Variants in KHDRBS1 observed in about 807,000 individuals in gnomAD.
KHDRBS1 encodes KH domain-containing, RNA-binding, signal transduction-associated protein 1.
A neutral mutation model predicts 48.4 loss-of-function variants in KHDRBS1; 7 were observed. The observed-to-expected ratio is 0.14, with a 90% confidence interval of 0.08 to 0.27. The LOEUF is 0.27. Among genes scored for constraint, KHDRBS1 ranks in the 10% least tolerant of loss-of-function variants. The probability of loss-of-function intolerance (pLI) is 1.00; values close to 1 mark genes in which losing one functional copy is unlikely to be tolerated. For synonymous variants in KHDRBS1, 241 were observed against 235.8 expected, an observed-to-expected ratio of 1.02 and a Z score of -0.20; for missense variants, 458 against 601.2, an observed-to-expected ratio of 0.76 and a Z score of 2.49.
chr1:32,037,788 G>T, intron 5 of KHDRBS1, 47 bp from the exon 6 acceptor site: 1 of 1,588,896 alleles, frequency 6.3e-7, no homozygotes, highest in Non-Finnish European at 8.6e-7. Flanking sequence ...ACATAAAAGT[G>T]GCCTGTTTAT....
downstream of KHDRBS1, among the ~76,000 whole-genome samples, chr1:32,048,081 C>T (rs532019848): frequency 3.1e-4 from 47 of 152,290 alleles, no homozygotes; most frequent in African/African-American, 1.1e-3. Flanking sequence ...AGAGATGGCT[C>T]TAAGTATTTT....
At chr1:32,030,270 G>T in intron 1 of KHDRBS1, 28 bp from the exon 2 acceptor site, 1 of 1,590,502 alleles carries the variant, frequency 6.3e-7, no homozygotes, top group Non-Finnish European at 8.6e-7. Context: ...ATTTACCAGG[G>T]CAAAAATAAA....
chr1:32,034,780 A>C (rs1639144629), intron 4 of KHDRBS1, among the ~76,000 whole-genome samples: 1 of 151,790 alleles, frequency 6.6e-6, no homozygotes, highest in East Asian at 2.0e-4. Context: ...GATCAAGGCC[A>C]TCCTGGCTAA....
At chr1:32,022,404 ATTG>A (rs968774737) in intron 1 of KHDRBS1, among the ~76,000 whole-genome samples, 1 of 152,202 alleles carries the variant, frequency 6.6e-6, no homozygotes, top group Non-Finnish European at 1.5e-5. Flanking sequence ...GAGTCCAGAG[ATTG>A]TTAACAACAG....
intron 1 of KHDRBS1, among the ~76,000 whole-genome samples, chr1:32,023,408 A>G (rs537804337): frequency 6.6e-6 from 1 of 152,348 alleles, no homozygotes; most frequent in East Asian, 1.9e-4. Flanking sequence ...AAATGAAGAT[A>G]ATACTGGTTA....
intron 5 of KHDRBS1, 55 bp from the exon 6 acceptor site, chr1:32,037,780 A>G (rs1466301275): frequency 5.7e-6 from 9 of 1,580,620 alleles, no homozygotes; most frequent in African/African-American, 1.3e-5. Flanking sequence ...AAATCAGAAC[A>G]TAAAAGTGGC....
chr1:32,049,072 T>G (rs1639387738), intron 10 of KHDRBS1, among the ~76,000 whole-genome samples: 1 of 151,732 alleles, frequency 6.6e-6, no homozygotes, highest in Non-Finnish European at 1.5e-5. Context: ...GGTTTTTTTT[T>G]GAGACGGGGT....
intron 1 of KHDRBS1, among the ~76,000 whole-genome samples, chr1:32,022,123 A>G (rs1463736548): frequency 6.6e-6 from 1 of 151,962 alleles, no homozygotes; most frequent in East Asian, 1.9e-4. Flanking sequence ...GCGCGCCACC[A>G]CGCCCAACCA....
intron 5 of KHDRBS1, 61 bp downstream of exon 5, chr1:32,037,104 T>C (rs2124384060): frequency 1.3e-6 from 2 of 1,558,750 alleles, no homozygotes; most frequent in South Asian, 2.3e-5. Flanking sequence ...GTCATCTCTT[T>C]TAGTGGTGCT....
intron 1 of KHDRBS1, among the ~76,000 whole-genome samples, chr1:32,029,599 G>A (rs1290270896): frequency 2.0e-5 from 3 of 152,208 alleles, no homozygotes; most frequent in Non-Finnish European, 4.4e-5. Flanking sequence ...AGAGGTTGCA[G>A]TGAGCCGAGA....
chr1:32,032,523 C>T (rs1241739852), intron 3 of KHDRBS1, among the ~76,000 whole-genome samples: 1 of 152,086 alleles, frequency 6.6e-6, no homozygotes, highest in Non-Finnish European at 1.5e-5. Flanking sequence ...GATTTAAAAA[C>T]AAATGCTTGG....
intron 4 of KHDRBS1, among the ~76,000 whole-genome samples, chr1:32,035,113 A>G (rs1273293607): frequency 1.3e-5 from 2 of 152,122 alleles, no homozygotes; most frequent in African/African-American, 4.8e-5. Flanking sequence ...CACCCAAGCC[A>G]TTCAATTTCC....
intron 1 of KHDRBS1, among the ~76,000 whole-genome samples, chr1:32,015,077 T>G (rs1638710638): frequency 6.6e-6 from 1 of 152,220 alleles, no homozygotes. Flanking sequence ...GACAGTGAAA[T>G]GGGACGATAG....
At position 32,059,165 on chromosome 1, in the gene KHDRBS1, GAAAAAAA is replaced by G. The variant is rs1163066227; in HGVS notation, n.1302-985_1302-979del. ...GACAGAGCGAGACTCTGTCTCAGGA[GAAAAAAA>G]AAAAAAAAAAAACAAAACCTTTTAG... is the stretch of plus-strand genomic sequence containing the variant. On this transcript the variant is annotated intron_variant and non_coding_transcript_variant, in intron 10 of 10. Transcript: ENST00000484270. Among the ~76,000 whole-genome samples the G allele has an allele frequency of 1.7e-4, 8 of 45,992 alleles. No individual in the cohort carries two copies. In the East Asian group the frequency reaches 3.8e-3, roughly 22 times the overall value. 30.2% of individuals were successfully genotyped at this position (45,992 alleles called of 152,430 possible).
chr1:32,059,826 T>C (rs1300289060), intron 10 of KHDRBS1, among the ~76,000 whole-genome samples: 1 of 152,212 alleles, frequency 6.6e-6, no homozygotes, highest in Admixed American at 6.5e-5. Flanking sequence ...AAAGCATTTT[T>C]CCCTTTGTTT....
Position 32,038,009 on chromosome 1 carries a change from T to C in KHDRBS1, c.1080T>C (p.Pro360=), listed in dbSNP as rs750942433. Residue 360 remains proline, a synonymous_variant, in exon 6 of 9, where the codon CCT becomes CCC. Coordinates refer to ENST00000327300, the MANE Select transcript of KHDRBS1 (RefSeq NM_006559.3). ...AGIQRIPLPP[P]PAPETYEEYG... is the part of the protein sequence containing the mutation. ...TCCAGAGGATACCTTTGCCTCCACC[T>C]CCTGCACCAGAAACATATGAAGAAT... The C allele has an allele frequency of 6.2e-7, 1 of 1,614,154 alleles. No homozygotes were observed.
At chr1:32,026,917 C>A (rs1043959887) in intron 1 of KHDRBS1, among the ~76,000 whole-genome samples, 1 of 152,174 alleles carries the variant, frequency 6.6e-6, no homozygotes, top group South Asian at 2.1e-4. Context: ...CCCTCAGCCT[C>A]CTCGGTAGCT....
Position 32,043,521 on chromosome 1 carries a change from A to G in KHDRBS1, c.*897A>G, listed in dbSNP as rs1314139404. On this transcript the variant is annotated 3_prime_UTR_variant, in exon 9 of 9. Transcript: ENST00000327300. Reference sequence around the variant, plus strand: ...TTAAATTTTCAGTATTTAAAAAGACAAAGTATTTTGTCCATTTGAGATTCT... The same window carrying G: ...TTAAATTTTCAGTATTTAAAAAGACGAAGTATTTTGTCCATTTGAGATTCT... 1 of 152,596 alleles carries G rather than the reference A, an allele frequency of 6.6e-6. No homozygotes were observed. Among genetic ancestry groups the G allele is most frequent in the Admixed American group, 6.5e-5 (1 of 15,278 alleles). The allele number at this position is 152,596 out of a possible 1,614,324, so 9.5% of individuals were successfully genotyped here.
intron 10 of KHDRBS1, among the ~76,000 whole-genome samples, chr1:32,054,705 GC>G (rs1639460334): frequency 6.6e-6 from 1 of 152,152 alleles, no homozygotes; most frequent in African/African-American, 2.4e-5. Flanking sequence ...CCAGCCTATG[GC>G]CCGGGACGGC....
Sources: allele counts gnomAD v4.1 joint callset (sites outside exome capture counted in the v4.1 genomes callset), GRCh38; gene constraint gnomAD v4.1.1; transcripts MANE v1.5; gene names NCBI Gene and HGNC (gene_info 2026-07-23, HGNC 2026-07-21).